The following PAMR1 variants were observed in gnomAD, a reference collection of about 807,000 sequenced individuals.
The protein encoded by PAMR1 is peptidase domain containing associated with muscle regeneration 1.
PAMR1 carries 88 observed loss-of-function variants against 81.8 expected under a neutral mutation model. That is an observed-to-expected ratio of 1.08 (90% CI 0.91 to 1.28). The LOEUF is 1.28. Ranked by LOEUF, PAMR1 falls within the 50% of genes most tolerant of loss-of-function variation. The probability of loss-of-function intolerance (pLI) is 0.00; values close to 1 mark genes in which losing one functional copy is unlikely to be tolerated. For synonymous variants in PAMR1, 336 were observed against 345.3 expected, an observed-to-expected ratio of 0.97 and a Z score of 0.30; for missense variants, 935 against 919.7, an observed-to-expected ratio of 1.02 and a Z score of -0.21.
At chr11:35,524,721 G>A (rs1398264028) in intron 1 of PAMR1, among the ~76,000 whole-genome samples, 1 of 152,070 alleles carries the variant, frequency 6.6e-6, no homozygotes, top group East Asian at 1.9e-4. Flanking sequence ...CCACTTCCCC[G>A]CCTGCCAGCA....
chr11:35,484,513 T>C (rs2135392431), intron 3 of PAMR1, among the ~76,000 whole-genome samples: 1 of 152,292 alleles, frequency 6.6e-6, no homozygotes. Flanking sequence ...TTCTCCCCAC[T>C]CCCCTTAAGT....
upstream of PAMR1, chr11:35,525,838 C>G: frequency 1.8e-6 from 1 of 549,386 alleles, no homozygotes; most frequent in Middle Eastern, 4.8e-4. Context: ...CCTGGAGACC[C>G]GCGGACGGCG....
chr11:35,482,644 A>T lies in PAMR1; in HGVS notation c.380-7900T>A, dbSNP rs148459880. ...CTTTGGGCAGTATGGCCATTTTCACAATATTGATTCTTCCTATCCATGAGG... is the reference window on the plus strand; with the variant it reads ...CTTTGGGCAGTATGGCCATTTTCACTATATTGATTCTTCCTATCCATGAGG... On this transcript the variant is annotated intron_variant, in intron 3 of 10. Coordinates refer to ENST00000619888, the MANE Select transcript of PAMR1 (RefSeq NM_001001991.3). Among the ~76,000 whole-genome samples, 1,266 of 152,248 alleles carry T rather than the reference A, an allele frequency of 8.3e-3. 21 individuals carry two copies. Among genetic ancestry groups the T allele is most frequent in the African/African-American group, 0.029 (1,198 of 41,542 alleles).
intron 1 of PAMR1, among the ~76,000 whole-genome samples, chr11:35,515,958 T>G (rs1851155653): frequency 6.6e-6 from 1 of 152,150 alleles, no homozygotes; most frequent in Non-Finnish European, 1.5e-5. Flanking sequence ...ACACCCAGTA[T>G]CATTCCTTCT....
At chr11:35,494,622 C>G (rs985310347) in intron 1 of PAMR1, among the ~76,000 whole-genome samples, 1 of 152,154 alleles carries the variant, frequency 6.6e-6, no homozygotes, top group Non-Finnish European at 1.5e-5. Context: ...CGTGAGCCAC[C>G]GCACCCGGCC....
chr11:35,452,166 C>A (rs1456326161), intron 6 of PAMR1, among the ~76,000 whole-genome samples: 1 of 151,792 alleles, frequency 6.6e-6, no homozygotes, highest in African/African-American at 2.4e-5. Flanking sequence ...GACTGGAAAC[C>A]TTAAAAAAAT....
intron 6 of PAMR1, among the ~76,000 whole-genome samples, chr11:35,444,608 C>T (rs1299042417): frequency 1.3e-5 from 2 of 152,142 alleles, no homozygotes; most frequent in Non-Finnish European, 2.9e-5. Context: ...GTATCCTTTC[C>T]TCATTGCTTG....
At position 35,432,150 on chromosome 11, in the gene PAMR1, T is replaced by C. The variant is rs996164437; in HGVS notation, c.*206A>G. 3.8e-5 allele frequency: 22 copies of C among 580,392 alleles called. No individual in the cohort carries two copies. Among genetic ancestry groups the C allele is most frequent in the Middle Eastern group, 4.5e-4 (1 of 2,242 alleles). The allele number at this position is 580,392 out of a possible 1,614,324, so 36.0% of individuals were successfully genotyped here. A position where few individuals can be genotyped will look rare whatever the true frequency, so the allele number is the denominator to read the frequency against. On this transcript the variant is annotated 3_prime_UTR_variant, in exon 11 of 11. Transcript: ENST00000619888. ...TCTTGCAAGCCCTGGCATCTTCCAA[T>C]TGGCTGTCCTAGTAGTGGACGCGGC...
chr11:35,516,054 C>A (rs1851157235), intron 1 of PAMR1, among the ~76,000 whole-genome samples: 1 of 152,094 alleles, frequency 6.6e-6, no homozygotes, highest in Non-Finnish European at 1.5e-5. Flanking sequence ...TCAAGTATTC[C>A]CATTTTGCCA....
At chr11:35,438,150 A>G (rs983159644) in intron 8 of PAMR1, among the ~76,000 whole-genome samples, 3 of 152,226 alleles carry the variant, frequency 2.0e-5, no homozygotes, top group Non-Finnish European at 4.4e-5. Flanking sequence ...GGAGCAGACC[A>G]GGAAGCCAGA....
chr11:35,499,358 C>T (rs573081825), intron 1 of PAMR1, among the ~76,000 whole-genome samples: 11 of 152,262 alleles, frequency 7.2e-5, no homozygotes, highest in African/African-American at 2.6e-4. Context: ...GGGTGTGGCT[C>T]ATGCCTCACC....
intron 5 of PAMR1, among the ~76,000 whole-genome samples, chr11:35,468,904 T>C (rs1481828069): frequency 6.6e-6 from 1 of 152,188 alleles, no homozygotes; most frequent in Admixed American, 6.5e-5. Flanking sequence ...CTTGGCTCAG[T>C]TCAACAAACC....
At chr11:35,499,995 T>C (rs1255324590) in intron 1 of PAMR1, among the ~76,000 whole-genome samples, 2 of 152,122 alleles carry the variant, frequency 1.3e-5, no homozygotes. Context: ...GTGATGTACT[T>C]TGAAGATGGA....
chr11:35,482,617 T>C (rs998495798), intron 3 of PAMR1, among the ~76,000 whole-genome samples: 1 of 152,240 alleles, frequency 6.6e-6, no homozygotes, highest in South Asian at 2.1e-4. Flanking sequence ...AATTTATAAG[T>C]ACTTTGGGCA....
chr11:35,435,699 T>C (rs1431297556), intron 9 of PAMR1, among the ~76,000 whole-genome samples: 6 of 152,158 alleles, frequency 3.9e-5, no homozygotes, highest in Admixed American at 1.3e-4. Context: ...CAAGAACGCA[T>C]GCCTCTAAGA....
chr11:35,523,172 A>T (rs762653391), intron 1 of PAMR1, among the ~76,000 whole-genome samples: 6 of 151,908 alleles, frequency 3.9e-5, no homozygotes, highest in Admixed American at 1.3e-4. Context: ...TCCCAGTGTA[A>T]TCTCACATCT....
rs775790625 is a variant in PAMR1 at position 35,492,029 on chromosome 11, G to C, written c.379+16C>G. 1 of 1,605,134 alleles carries C rather than the reference G, an allele frequency of 6.2e-7. No individual in the cohort carries two copies. The highest frequency in any genetic ancestry group is 1.7e-5 in the Admixed American group (1 of 58,818). On this transcript the variant is annotated intron_variant, in intron 3 of 10. Coordinates refer to ENST00000619888, the MANE Select transcript of PAMR1 (RefSeq NM_001001991.3). ...CAGTGTGCACTAGAGATGGAGCTAG[G>C]TCAAGGTCTACTTACGCATGCAGTC...
Position 35,432,460 on chromosome 11 carries a change from C to A in PAMR1, c.2059G>T (p.Gly687Ter). The A allele has an allele frequency of 6.2e-7, 1 of 1,614,202 alleles. No homozygotes were observed. The highest frequency in any genetic ancestry group is 8.5e-7 in the Non-Finnish European group (1 of 1,180,036). ...TTATCATAGCTCCAGCTGACCAGTC[C>A]CATCAGATGCCAGCGTGGCTCAGGA... ...ASPEPRWHLM[G>*]LVSWSYDKTC... The change falls in exon 11 of 11, where the codon GGA becomes TGA. Residue 687 changes from glycine to a stop codon, truncating the protein, a stop_gained. Transcript: ENST00000619888. LOFTEE classifies it high-confidence loss of function.
At chr11:35,486,956 T>C (rs1204855015) in intron 3 of PAMR1, among the ~76,000 whole-genome samples, 1 of 152,170 alleles carries the variant, frequency 6.6e-6, no homozygotes, top group Non-Finnish European at 1.5e-5. Context: ...ATGTGACTTC[T>C]TTTGGCCAGT....
Sources: gnomAD v4.1 joint callset for allele counts (sites outside exome capture counted in the v4.1 genomes callset) on GRCh38, gnomAD v4.1.1 for gene constraint, MANE v1.5 for transcripts, NCBI Gene and HGNC (gene_info 2026-07-23, HGNC 2026-07-21) for gene names.